The following WWOX variants were observed in gnomAD, a reference collection of about 807,000 sequenced individuals.
WWOX encodes the protein WW domain containing oxidoreductase.
A neutral mutation model predicts 46.2 loss-of-function variants in WWOX; 69 were observed. The observed-to-expected ratio is 1.49, with a 90% confidence interval of 1.23 to 1.82. WWOX has a LOEUF of 1.82. Among genes scored for constraint, WWOX ranks in the 40% most tolerant of loss-of-function variants. The pLI is 0.00. For missense variants in WWOX, 919 were observed against 542.6 expected (o/e 1.69, Z -6.89); for synonymous variants, 359 against 202.6 (o/e 1.77, Z -6.56).
At chr16:79,027,042 G>A (rs78139811) in intron 8 of WWOX, among the ~76,000 whole-genome samples, 2,040 of 151,724 alleles carry the variant, frequency 0.013, 29 homozygotes, top group Non-Finnish European at 0.021. Context: ...CACTTTGGGA[G>A]GTCAAGGCAG....
chr16:78,940,846 C>G (rs2045838195), intron 8 of WWOX, among the ~76,000 whole-genome samples: 1 of 151,872 alleles, frequency 6.6e-6, no homozygotes, highest in Non-Finnish European at 1.5e-5. Flanking sequence ...GTGTAATGTA[C>G]AGCTTCATTC....
intron 8 of WWOX, among the ~76,000 whole-genome samples, chr16:79,057,864 T>G (rs2048291560): frequency 6.6e-6 from 1 of 152,220 alleles, no homozygotes; most frequent in Non-Finnish European, 1.5e-5. Context: ...ATCATCTGAA[T>G]TATTTCCATA....
At chr16:79,028,203 C>A (rs1330057528) in intron 8 of WWOX, among the ~76,000 whole-genome samples, 1 of 151,804 alleles carries the variant, frequency 6.6e-6, no homozygotes, top group Non-Finnish European at 1.5e-5. Context: ...CCTGCCTTGG[C>A]CTCCCAAAGT....
At chr16:78,759,825 A>C (rs141265695) in intron 8 of WWOX, among the ~76,000 whole-genome samples, 188 of 152,254 alleles carry the variant, frequency 1.2e-3, no homozygotes, top group African/African-American at 4.2e-3. Context: ...GTGAAAATCA[A>C]AATGTTGGCA....
chr16:78,719,363 C>G (rs972403087), intron 8 of WWOX, among the ~76,000 whole-genome samples: 1 of 152,226 alleles, frequency 6.6e-6, no homozygotes, highest in African/African-American at 2.4e-5. Flanking sequence ...TTTGCTAAAT[C>G]TTCTGTCAGG....
chr16:78,115,055 C>G lies in WWOX; in HGVS notation c.310C>G (p.Arg104Gly), dbSNP rs750226191. The change falls in exon 4 of 9, where the codon CGG becomes GGG. Residue 104 changes from arginine (R) to glycine (G), a missense_variant. Transcript: ENST00000566780. ...TGATAATCCGACCAAGCCAACCACC[C>G]GGCAAAGATACGACGGCAGCACCAC... ...VDDNPTKPTT[R>G]QRYDGSTTAM... 2 of 1,614,178 alleles carry G rather than the reference C, an allele frequency of 1.2e-6. No individual in the cohort carries two copies.
chr16:78,491,679 G>A (rs887298400), intron 8 of WWOX, among the ~76,000 whole-genome samples: 1 of 152,126 alleles, frequency 6.6e-6, no homozygotes, highest in East Asian at 1.9e-4. Flanking sequence ...GTGTACCTGT[G>A]GGAGTGATTA....
intron 8 of WWOX, among the ~76,000 whole-genome samples, chr16:78,560,095 G>A (rs546471049): frequency 7.2e-5 from 11 of 152,116 alleles, no homozygotes; most frequent in Admixed American, 4.6e-4. Context: ...TTTTTCTCCC[G>A]TCTCTGCAGT....
chr16:79,211,734 C>G lies in WWOX; in HGVS notation c.1183C>G (p.Arg395Gly), dbSNP rs750042007. The G allele has an allele frequency of 8.7e-6, 14 of 1,614,190 alleles. No homozygotes were observed. The highest frequency in any genetic ancestry group is 1.1e-5 in the South Asian group (1 of 91,084). Residue 395 changes from arginine (R) to glycine (G), a missense_variant, in exon 9 of 9, where the codon CGG becomes GGG. Coordinates refer to ENST00000566780, the MANE Select transcript of WWOX (RefSeq NM_016373.4). ...SPEAQSEETA[R>G]TLWALSERLI... is the part of the protein sequence containing the mutation. The stretch of plus-strand genomic sequence containing the variant: ...AGAAGCTCAGAGCGAAGAGACGGCC[C>G]GGACCCTGTGGGCGCTCAGCGAGAG...
chr16:78,476,028 C>T (rs1177100941), intron 8 of WWOX, among the ~76,000 whole-genome samples: 1 of 152,170 alleles, frequency 6.6e-6, no homozygotes, highest in African/African-American at 2.4e-5. Flanking sequence ...CTTACTCATG[C>T]TTCCTCTGTA....
Position 79,210,220 on chromosome 16 carries a change from C to A in WWOX, c.1057-1388C>A, listed in dbSNP as rs369817967. Among the ~76,000 whole-genome samples the A allele has an allele frequency of 3.0e-4, 46 of 152,342 alleles. No individual in the cohort carries two copies. The South Asian group carries it at 3.1e-3, about 10-fold the overall frequency. On this transcript the variant is annotated intron_variant, in intron 8 of 8. Coordinates refer to ENST00000566780, the MANE Select transcript of WWOX (RefSeq NM_016373.4). ...TCCATTGTTACTAGATATCCTGACACTGAAGAAGCTAAAACCAAACAACAA... is the reference window on the plus strand; with the variant it reads ...TCCATTGTTACTAGATATCCTGACAATGAAGAAGCTAAAACCAAACAACAA...
rs563324315 is a variant in WWOX at position 79,123,653 on chromosome 16, T to G, written c.1057-87955T>G. On this transcript the variant is annotated intron_variant, in intron 8 of 8. Transcript: ENST00000566780. Reference sequence around the variant, plus strand: ...ACCCCAAGGCTCCAGGCTTTTTCCCTATTTCTTTCTCACCCACAGCCAATT... The same window carrying G: ...ACCCCAAGGCTCCAGGCTTTTTCCCGATTTCTTTCTCACCCACAGCCAATT... Among the ~76,000 whole-genome samples, 4 of 152,174 alleles carry G rather than the reference T, an allele frequency of 2.6e-5. No homozygotes were observed. In the South Asian group the frequency reaches 8.3e-4, roughly 32 times the overall value.
In WWOX at chr16:79,211,911, G is replaced by GAAAT. The variant is rs1567625668; in HGVS notation, c.*118_*121dup. ...CCAACACAGATCCGCAAGAGTAAAG[G>GAAAT]AAATAAGAGCAGTCACAACAGAGTG... On this transcript the variant is annotated 3_prime_UTR_variant, in exon 9 of 9. Coordinates refer to ENST00000566780, the MANE Select transcript of WWOX (RefSeq NM_016373.4). 2 of 1,549,514 alleles carry GAAAT rather than the reference G, an allele frequency of 1.3e-6. No homozygotes were observed. Among genetic ancestry groups the GAAAT allele is most frequent in the Admixed American group, 1.9e-5 (1 of 51,474 alleles).
chr16:79,177,875 T>G (rs1341716213), intron 8 of WWOX, among the ~76,000 whole-genome samples: 2 of 152,184 alleles, frequency 1.3e-5, no homozygotes, highest in African/African-American at 4.8e-5. Context: ...ATAAACTAGG[T>G]AGCTTATAAA....
chr16:78,744,422 C>CTTTTTTTTTTTTTTTTTTTT (rs976073233), intron 8 of WWOX, among the ~76,000 whole-genome samples: 2 of 82,256 alleles, frequency 2.4e-5, no homozygotes, highest in African/African-American at 1.2e-4. Flanking sequence ...GTCCACACTG[C>CTTTTTTTTTTTTTTTTTTTT]TTTTTTTTTT....
intron 5 of WWOX, among the ~76,000 whole-genome samples, chr16:78,200,316 C>T (rs528386279): frequency 1.3e-4 from 19 of 150,208 alleles, no homozygotes; most frequent in African/African-American, 4.2e-4. Flanking sequence ...CCCCTGCTGA[C>T]AGTTCTTTAA....
intron 8 of WWOX, among the ~76,000 whole-genome samples, chr16:78,486,767 G>T (rs1329271927): frequency 6.6e-6 from 1 of 152,090 alleles, no homozygotes. Context: ...TGAGATAAGG[G>T]TTTACTGTCT....
intron 8 of WWOX, among the ~76,000 whole-genome samples, chr16:78,930,298 C>T (rs1202765532): frequency 5.9e-5 from 6 of 101,304 alleles, no homozygotes; most frequent in Non-Finnish European, 8.9e-5. Flanking sequence ...TTTTTTTTTT[C>T]AGACAGGGTC....
At chr16:78,744,678 T>C (rs2049307375) in intron 8 of WWOX, among the ~76,000 whole-genome samples, 1 of 152,146 alleles carries the variant, frequency 6.6e-6, no homozygotes, top group Non-Finnish European at 1.5e-5. Flanking sequence ...GTGATCCACC[T>C]GCCTCGGCCT....
Sources: gnomAD v4.1 joint callset for allele counts (sites outside exome capture counted in the v4.1 genomes callset) on GRCh38, gnomAD v4.1.1 for gene constraint, MANE v1.5 for transcripts, NCBI Gene and HGNC (gene_info 2026-07-23, HGNC 2026-07-21) for gene names.